The following SEMA3E variants were observed in gnomAD, a reference collection of about 807,000 sequenced individuals.
SEMA3E encodes the protein semaphorin 3E.
Under a neutral mutation model 93.6 loss-of-function variants are expected in SEMA3E, and 49 were observed. The ratio of observed to expected loss-of-function variants is 0.52; its 90% CI spans 0.42 to 0.66. The LOEUF (loss-of-function observed/expected upper bound fraction) is 0.66, where lower values mean the gene tolerates loss of function less well. Ranked by LOEUF, SEMA3E falls within the 30% of genes least tolerant of loss-of-function variation. SEMA3E has a pLI of 0.00. For missense variants in SEMA3E, 906 were observed against 964.8 expected (o/e 0.94, Z 0.81); for synonymous variants, 363 against 330.7 (o/e 1.10, Z -1.06).
At chr7:83,483,571 C>A (rs910736071) in intron 2 of SEMA3E, among the ~76,000 whole-genome samples, 2 of 151,720 alleles carry the variant, frequency 1.3e-5, no homozygotes, top group Non-Finnish European at 2.9e-5. Flanking sequence ...AATTAAGCAC[C>A]CCTAGACAAA....
intron 1 of SEMA3E, among the ~76,000 whole-genome samples, chr7:83,631,725 A>C (rs1352977808): frequency 6.6e-6 from 1 of 152,216 alleles, no homozygotes; most frequent in East Asian, 1.9e-4. Flanking sequence ...TCAGCAAACA[A>C]ACCACGTGCA....
At chr7:83,588,419 G>A (rs755592717) in intron 1 of SEMA3E, among the ~76,000 whole-genome samples, 10 of 152,054 alleles carry the variant, frequency 6.6e-5, no homozygotes, top group Non-Finnish European at 1.0e-4. Flanking sequence ...AAAAATCTCT[G>A]TAGTTGAAAA....
chr7:83,613,602 T>G (rs1464954737), intron 1 of SEMA3E, among the ~76,000 whole-genome samples: 2 of 152,070 alleles, frequency 1.3e-5, no homozygotes, highest in Non-Finnish European at 2.9e-5. Flanking sequence ...TAACAAAGCT[T>G]TTGAATTAAG....
intron 1 of SEMA3E, among the ~76,000 whole-genome samples, chr7:83,539,307 T>G (rs916471021): frequency 6.6e-6 from 1 of 152,164 alleles, no homozygotes; most frequent in Admixed American, 6.5e-5. Flanking sequence ...TATCCCCGAG[T>G]CAGTCAGCTT....
intron 1 of SEMA3E, among the ~76,000 whole-genome samples, chr7:83,620,727 G>A (rs971078714): frequency 2.0e-5 from 3 of 151,994 alleles, no homozygotes; most frequent in Non-Finnish European, 2.9e-5. Flanking sequence ...CACGTAAACA[G>A]AAGTAAAAAT....
intron 13 of SEMA3E, 111 bp from the exon 14 acceptor site, chr7:83,392,832 T>G (rs558978636): frequency 9.8e-7 from 1 of 1,018,948 alleles, no homozygotes; most frequent in South Asian, 1.4e-5. Flanking sequence ...TTCACTTAAA[T>G]TTAATTCACT....
At chr7:83,522,799 T>C (rs995500060) in intron 1 of SEMA3E, among the ~76,000 whole-genome samples, 1 of 152,158 alleles carries the variant, frequency 6.6e-6, no homozygotes, top group Non-Finnish European at 1.5e-5. Flanking sequence ...CTTCTGTTCC[T>C]TCCATCCTTA....
At chr7:83,440,981 T>C (rs147951926) in intron 4 of SEMA3E, among the ~76,000 whole-genome samples, 111 of 152,292 alleles carry the variant, frequency 7.3e-4, no homozygotes, top group African/African-American at 2.6e-3. Context: ...CCATTTGAAC[T>C]CTTCACTTAG....
At chr7:83,531,362 T>C (rs1427352502) in intron 1 of SEMA3E, among the ~76,000 whole-genome samples, 2 of 136,304 alleles carry the variant, frequency 1.5e-5, no homozygotes, top group Non-Finnish European at 3.1e-5. Context: ...TTTTTTTTTT[T>C]CCGAGATGGA....
intron 1 of SEMA3E, among the ~76,000 whole-genome samples, chr7:83,590,450 T>C (rs1306578135): frequency 6.6e-6 from 1 of 152,164 alleles, no homozygotes; most frequent in Non-Finnish European, 1.5e-5. Context: ...CCTTTCTTGA[T>C]GACAGAACCC....
chr7:83,418,248 A>C (rs369852675), intron 5 of SEMA3E, 142 bp downstream of exon 5: 21 of 696,838 alleles, frequency 3.0e-5, no homozygotes, highest in African/African-American at 7.1e-5. Context: ...CTTGAAATTT[A>C]ATATCATTGC....
chr7:83,632,334 A>G (rs933630966), intron 1 of SEMA3E, among the ~76,000 whole-genome samples: 4 of 152,136 alleles, frequency 2.6e-5, no homozygotes, highest in Non-Finnish European at 5.9e-5. Context: ...ATGACAAAAG[A>G]GCATGATAAC....
chr7:83,475,354 T>C (rs1055129180), intron 2 of SEMA3E, among the ~76,000 whole-genome samples: 52 of 152,154 alleles, frequency 3.4e-4, no homozygotes, highest in African/African-American at 1.3e-3. Flanking sequence ...TTGACGGCTT[T>C]TGTTCCAGAA....
intron 1 of SEMA3E, among the ~76,000 whole-genome samples, chr7:83,584,306 C>T (rs1354101762): frequency 6.6e-6 from 1 of 151,984 alleles, no homozygotes; most frequent in Non-Finnish European, 1.5e-5. Flanking sequence ...TAATGAATGC[C>T]AAAGACCAGA....
At chr7:83,401,472 GAAGCAGTTCCAT>G in intron 10 of SEMA3E, among the ~76,000 whole-genome samples, 1 of 152,094 alleles carries the variant, frequency 6.6e-6, no homozygotes, top group African/African-American at 2.4e-5. Context: ...GACTAGCTTG[GAAGCAGTTCCAT>G]AACCAGTCGC....
intron 4 of SEMA3E, among the ~76,000 whole-genome samples, chr7:83,452,128 T>G: frequency 1.2e-5 from 1 of 81,312 alleles, no homozygotes; most frequent in South Asian, 4.9e-4. Context: ...TGTATGTGTA[T>G]GTATGTGTGT....
intron 4 of SEMA3E, among the ~76,000 whole-genome samples, chr7:83,439,108 A>G (rs1283005266): frequency 1.3e-5 from 2 of 152,182 alleles, no homozygotes; most frequent in African/African-American, 4.8e-5. Context: ...TAGTATGCAG[A>G]TAGGCTTTGG....
intron 4 of SEMA3E, among the ~76,000 whole-genome samples, chr7:83,427,024 A>G (rs1788785914): frequency 6.6e-6 from 1 of 152,124 alleles, no homozygotes; most frequent in Non-Finnish European, 1.5e-5. Flanking sequence ...GACACTTATT[A>G]AAAAAGAAAT....
chr7:83,398,801 G>A (rs997163684), intron 11 of SEMA3E, among the ~76,000 whole-genome samples: 1 of 151,940 alleles, frequency 6.6e-6, no homozygotes, highest in Non-Finnish European at 1.5e-5. Context: ...AAAATTAGGC[G>A]GGCATGGTGG....
Sources: gnomAD v4.1 joint callset for allele counts (sites outside exome capture counted in the v4.1 genomes callset) on GRCh38, gnomAD v4.1.1 for gene constraint, MANE v1.5 for transcripts, NCBI Gene and HGNC (gene_info 2026-07-23, HGNC 2026-07-21) for gene names.